Variants in LOXHD1 observed in about 807,000 individuals in gnomAD.
LOXHD1 encodes lipoxygenase homology domain-containing protein 1.
Under a neutral mutation model 248.2 loss-of-function variants are expected in LOXHD1, and 205 were observed. The ratio of observed to expected loss-of-function variants is 0.83; its 90% CI spans 0.74 to 0.93. LOXHD1 has a LOEUF of 0.93. Among genes scored for constraint, LOXHD1 ranks in the 40% least tolerant of loss-of-function variants. The pLI is 0.00. For synonymous variants in LOXHD1, 1,113 were observed against 1,162.8 expected, an observed-to-expected ratio of 0.96 and a Z score of 0.87; for missense variants, 2,930 against 2,971.6, an observed-to-expected ratio of 0.99 and a Z score of 0.33.
chr18:46,550,550 G>A (rs972717893), intron 21 of LOXHD1, among the ~76,000 whole-genome samples: 16 of 136,580 alleles, frequency 1.2e-4, no homozygotes, highest in East Asian at 2.1e-4. Flanking sequence ...TCCGCAGTCC[G>A]GCCTGGGCGA....
rs2034165058 is a variant in LOXHD1 at position 46,500,591 on chromosome 18, ATCT to A, written c.5878+5244_5878+5246del. Among the ~76,000 whole-genome samples, 2 of 152,110 alleles carry A rather than the reference ATCT, an allele frequency of 1.3e-5. 1 individual carries two copies. Among genetic ancestry groups the A allele is most frequent in the South Asian group, 4.2e-4 (2 of 4,812 alleles). On this transcript the variant is annotated intron_variant, in intron 37 of 40. Transcript: ENST00000642948. ...CCTACCTCCCACAGACACTACAATGATCTTCTCTGAGTGATTCCCGTTCTTGAG... is the reference window on the plus strand; with the variant it reads ...CCTACCTCCCACAGACACTACAATGATCTCTGAGTGATTCCCGTTCTTGAG...
At position 46,484,989 on chromosome 18, in the gene LOXHD1, C is replaced by T. The variant is rs187161708; in HGVS notation, c.6182+30G>A. Reference sequence around the variant, plus strand: ...GGTCCTCCCTTACCTACCCACCCCCCACCACTTCCCATGGGCCTCCCCTTC... The same window carrying T: ...GGTCCTCCCTTACCTACCCACCCCCTACCACTTCCCATGGGCCTCCCCTTC... On this transcript the variant is annotated intron_variant, in intron 39 of 40. Transcript: ENST00000642948. 986 of 1,546,030 alleles carry T rather than the reference C, an allele frequency of 6.4e-4. 5 individuals carry two copies. The African/African-American group carries it at 0.012, about 19-fold the overall frequency.
intron 14 of LOXHD1, among the ~76,000 whole-genome samples, chr18:46,573,633 G>A (rs2037798980): frequency 1.3e-5 from 2 of 152,146 alleles, no homozygotes; most frequent in Admixed American, 1.3e-4. Context: ...CTGGCATGGA[G>A]TTCAGGCATC....
intron 37 of LOXHD1, among the ~76,000 whole-genome samples, chr18:46,496,259 A>G (rs892635508): frequency 6.6e-6 from 1 of 152,228 alleles, no homozygotes; most frequent in African/African-American, 2.4e-5. Flanking sequence ...GCTATGTGGA[A>G]GTTTATTACA....
intron 4 of LOXHD1, among the ~76,000 whole-genome samples, chr18:46,623,324 CAT>C: frequency 6.6e-6 from 1 of 152,222 alleles, no homozygotes; most frequent in East Asian, 1.9e-4. Flanking sequence ...CTACCTTTCA[CAT>C]AGTCACCTCC....
intron 3 of LOXHD1, among the ~76,000 whole-genome samples, chr18:46,641,076 A>G (rs2038957262): frequency 6.6e-6 from 1 of 150,484 alleles, no homozygotes; most frequent in Non-Finnish European, 1.5e-5. Context: ...ACACAATGAC[A>G]CCCCTTCCCA....
In LOXHD1 at chr18:46,644,856, T is replaced by A. The variant is rs183648950; in HGVS notation, c.246-2820A>T. On this transcript the variant is annotated intron_variant, in intron 2 of 40. Coordinates refer to ENST00000642948, the MANE Select transcript of LOXHD1 (RefSeq NM_001384474.1). ...CGCTTTATAGTCACTTGCTGGGGGG[T>A]GGGGAGGAGCGTATGTGGAAGCAGG... Among the ~76,000 whole-genome samples the A allele has an allele frequency of 2.6e-3, 396 of 150,602 alleles. 9 individuals carry two copies. The highest frequency in any genetic ancestry group is 0.023 in the Admixed American group (350 of 15,094).
intron 20 of LOXHD1, chr18:46,558,139 G>T (rs916011859): frequency 8.1e-6 from 7 of 864,498 alleles, no homozygotes; most frequent in Non-Finnish European, 8.3e-6. Context: ...AAAACTTTCA[G>T]AAATAGTATG....
chr18:46,570,129 G>T (rs1301991199), intron 15 of LOXHD1, among the ~76,000 whole-genome samples: 2 of 152,204 alleles, frequency 1.3e-5, no homozygotes, highest in African/African-American at 2.4e-5. Context: ...TCATGTGTTT[G>T]GTGCAAGATG....
rs187658135 is a variant in LOXHD1, at chr18:46,592,016, C to A, written c.1571G>T (p.Arg524Leu). The change falls in exon 12 of 41, where the codon CGC (arginine) becomes CTC (leucine). Residue 524 changes from arginine (R) to leucine (L), a missense_variant. Coordinates refer to ENST00000642948, the MANE Select transcript of LOXHD1 (RefSeq NM_001384474.1). ...GTCATCCTCATTGGCATCCAGCCAGCGGTTGCAATTGAAGTTGTACTTGTC... is the reference window on the plus strand; with the variant it reads ...GTCATCCTCATTGGCATCCAGCCAGAGGTTGCAATTGAAGTTGTACTTGTC... ...NKDKYNFNCN[R>L]WLDANEDDNE... 3 of 1,552,084 alleles carry A rather than the reference C, an allele frequency of 1.9e-6. No homozygotes were observed. The highest frequency in any genetic ancestry group is 1.7e-4 in the Middle Eastern group (1 of 6,018).
intron 14 of LOXHD1, among the ~76,000 whole-genome samples, chr18:46,575,483 C>A (rs1165179488): frequency 1.3e-5 from 2 of 152,106 alleles, no homozygotes; most frequent in Non-Finnish European, 2.9e-5. Flanking sequence ...AAAATAAGGT[C>A]ATTAGGGTGA....
chr18:46,500,812 G>A (rs1013978027), intron 37 of LOXHD1, among the ~76,000 whole-genome samples: 10 of 152,014 alleles, frequency 6.6e-5, no homozygotes, highest in Admixed American at 1.3e-4. Flanking sequence ...TTTTATATTT[G>A]CTATTCACTC....
chr18:46,653,404 C>T (rs928688556), intron 1 of LOXHD1, among the ~76,000 whole-genome samples: 4 of 152,172 alleles, frequency 2.6e-5, no homozygotes, highest in South Asian at 4.1e-4. Flanking sequence ...CATATGTAAA[C>T]GTACCTTCAT....
rs7243724 is a variant in LOXHD1 at position 46,593,972 on chromosome 18, G to A, written c.1271-212C>T. On this transcript the variant is annotated intron_variant, in intron 9 of 40. Transcript: ENST00000642948. ...AGGTGCTATAATGTTCTTTTTAATG[G>A]CTAAAGTGTATTCGTATGTTTTAAA... Among the ~76,000 whole-genome samples the A allele has an allele frequency of 0.25, 38,733 of 152,042 alleles. 5,426 individuals are homozygous for A. The highest frequency in any genetic ancestry group is 0.34 in the South Asian group (1,615 of 4,804).
chr18:46,600,125 T>A (rs755635037), intron 8 of LOXHD1, among the ~76,000 whole-genome samples: 35 of 152,354 alleles, frequency 2.3e-4, no homozygotes, highest in Middle Eastern at 3.4e-3. Flanking sequence ...AAGAACTTCA[T>A]GGCAGGATTG....
chr18:46,570,611 G>A (rs1003426105), intron 15 of LOXHD1, among the ~76,000 whole-genome samples: 2 of 152,216 alleles, frequency 1.3e-5, no homozygotes, highest in Admixed American at 1.3e-4. Flanking sequence ...AGACTGGGAA[G>A]GAGACCTCTT....
Position 46,601,466 on chromosome 18 carries a change from A to C in LOXHD1, c.885T>G (p.Ala295=). ...DILVGGAETT[A]ITYIVTVFTG... ...TGAAGACGGTGACAATATACGTAAT[A>C]GCTGGTGTGGAAACAACAGGAAAGA... Residue 295 remains alanine, a splice_region_variant and synonymous_variant, in exon 8 of 41, where the codon GCT becomes GCG. Coordinates refer to ENST00000642948, the MANE Select transcript of LOXHD1 (RefSeq NM_001384474.1). 1.9e-6 allele frequency: 3 copies of C among 1,551,798 alleles called. No individual in the cohort carries two copies. Among genetic ancestry groups the C allele is most frequent in the Non-Finnish European group, 2.6e-6 (3 of 1,147,032 alleles).
chr18:46,498,080 G>A (rs1423809397), intron 37 of LOXHD1, among the ~76,000 whole-genome samples: 1 of 152,188 alleles, frequency 6.6e-6, no homozygotes, highest in Admixed American at 6.5e-5. Context: ...TGTGCCCCAA[G>A]TTATTATCAA....
At chr18:46,529,071 G>C (rs180803483) in intron 29 of LOXHD1, 106 bp downstream of exon 29, 1 of 1,365,708 alleles carries the variant, frequency 7.3e-7, no homozygotes, top group Non-Finnish European at 1.0e-6. Context: ...TGTGCACAAT[G>C]CCCCATGGAG....
Sources: allele counts gnomAD v4.1 joint callset (sites outside exome capture counted in the v4.1 genomes callset), GRCh38; gene constraint gnomAD v4.1.1; transcripts MANE v1.5; gene names NCBI Gene and HGNC (gene_info 2026-07-23, HGNC 2026-07-21).